Variants in RBFOX1 observed in about 807,000 individuals in gnomAD.
RBFOX1 encodes the protein RNA binding fox-1 homolog 1.
In RBFOX1, 8 loss-of-function variants were observed where a neutral mutation model predicts 57.7. The ratio of observed to expected loss-of-function variants is 0.14; its 90% confidence interval spans 0.08 to 0.25. RBFOX1 has a LOEUF of 0.25. RBFOX1 is among the 10% of genes least tolerant of loss of function. RBFOX1 has a pLI of 1.00. For missense variants in RBFOX1, 611 were observed against 548.5 expected, an observed-to-expected ratio of 1.11 and a Z score of -1.14; for synonymous variants, 326 against 222.4, an observed-to-expected ratio of 1.47 and a Z score of -4.15.
intron 14 of RBFOX1, among the ~76,000 whole-genome samples, chr16:7,680,066 G>T (rs2074346424): frequency 6.6e-6 from 1 of 152,100 alleles, no homozygotes; most frequent in African/African-American, 2.4e-5. Flanking sequence ...ATGGCAGAGG[G>T]GCCTTTGGTC....
intron 1 of RBFOX1, among the ~76,000 whole-genome samples, chr16:6,182,515 A>G (rs2097071820): frequency 6.6e-6 from 1 of 152,192 alleles, no homozygotes; most frequent in African/African-American, 2.4e-5. Context: ...TCATATGTCT[A>G]CATTCTTATT....
At chr16:5,278,140 CT>C (rs531107470) in intron 1 of RBFOX1, among the ~76,000 whole-genome samples, 180 of 152,228 alleles carry the variant, frequency 1.2e-3, no homozygotes, top group Non-Finnish European at 2.1e-3. Context: ...CAATAATATT[CT>C]TTTGTTCAGA....
intron 2 of RBFOX1, among the ~76,000 whole-genome samples, chr16:5,596,044 T>C (rs184385109): frequency 2.8e-4 from 42 of 152,130 alleles, no homozygotes; most frequent in Non-Finnish European, 5.3e-4. Context: ...CAATGAGAGA[T>C]AGACAGCTAA....
In RBFOX1 at chr16:6,511,480, C is replaced by G. The variant is rs923631806; in HGVS notation, c.-63-143123C>G. ...ACATGGGAGAATTTTAAAACATGCG[C>G]TTTTAGAATCAAAATTAGTTTTCAT... On this transcript the variant is annotated intron_variant, in intron 2 of 15. Transcript: ENST00000550418. Among the ~76,000 whole-genome samples the G allele has an allele frequency of 3.3e-5, 5 of 152,138 alleles. No homozygotes were observed. The East Asian group carries it at 7.7e-4, about 23-fold the overall frequency.
At chr16:5,344,193 A>C (rs1220206551) in intron 1 of RBFOX1, among the ~76,000 whole-genome samples, 1 of 152,148 alleles carries the variant, frequency 6.6e-6, no homozygotes, top group African/African-American at 2.4e-5. Flanking sequence ...GCACTCTGCA[A>C]ATGTCTGCTG....
At chr16:6,311,139 A>T (rs2152762634) in intron 1 of RBFOX1, among the ~76,000 whole-genome samples, 1 of 151,502 alleles carries the variant, frequency 6.6e-6, no homozygotes, top group South Asian at 2.1e-4. Flanking sequence ...TACTAAAAAT[A>T]CAAAAAATTA....
intron 4 of RBFOX1, among the ~76,000 whole-genome samples, chr16:7,332,166 T>A (rs780777060): frequency 1.3e-5 from 2 of 152,240 alleles, no homozygotes; most frequent in Non-Finnish European, 2.9e-5. Flanking sequence ...AATGTGTTTG[T>A]AGCTTCGCAC....
chr16:7,236,218 T>C (rs1303578550), intron 4 of RBFOX1, among the ~76,000 whole-genome samples: 1 of 152,074 alleles, frequency 6.6e-6, no homozygotes, highest in African/African-American at 2.4e-5. Context: ...TATTCAAGAG[T>C]TATATTTAGA....
At chr16:7,293,259 G>A (rs2095829189) in intron 4 of RBFOX1, among the ~76,000 whole-genome samples, 2 of 152,116 alleles carry the variant, frequency 1.3e-5, no homozygotes, top group Admixed American at 1.3e-4. Flanking sequence ...TATTTACATG[G>A]AATTTGCATT....
In RBFOX1 at chr16:6,159,194, G is replaced by C. The variant is rs374980007; in HGVS notation, c.-127+139202G>C. Among the ~76,000 whole-genome samples, 9 of 151,966 alleles carry C rather than the reference G, an allele frequency of 5.9e-5. No homozygotes were observed. In the South Asian group the frequency reaches 6.2e-4, roughly 11 times the overall value. On this transcript the variant is annotated intron_variant, in intron 1 of 15. Coordinates refer to ENST00000550418, the MANE Select transcript of RBFOX1 (RefSeq NM_018723.4). ...CAGGTTCAAGCGACTCTCCTGCCTC[G>C]GCCTCCCGAGTAGATGGGTCTATAG... is the stretch of plus-strand genomic sequence containing the variant.
chr16:6,165,989 G>C (rs1170209177), intron 1 of RBFOX1, among the ~76,000 whole-genome samples: 2 of 152,210 alleles, frequency 1.3e-5, no homozygotes, highest in African/African-American at 2.4e-5. Context: ...TGTTTCTTCT[G>C]TGAGGTGTGT....
intron 4 of RBFOX1, among the ~76,000 whole-genome samples, chr16:7,199,411 T>C (rs1028889180): frequency 3.3e-5 from 5 of 152,202 alleles, no homozygotes; most frequent in African/African-American, 9.7e-5. Context: ...AAATAGGCCC[T>C]GAATCATGCA....
At chr16:6,406,226 T>A (rs892520299) in intron 2 of RBFOX1, among the ~76,000 whole-genome samples, 2 of 152,322 alleles carry the variant, frequency 1.3e-5, no homozygotes, top group East Asian at 3.9e-4. Flanking sequence ...GACCTCAGAT[T>A]CTCTTTACAG....
chr16:6,170,292 C>G (rs2096950511), intron 1 of RBFOX1, among the ~76,000 whole-genome samples: 1 of 152,122 alleles, frequency 6.6e-6, no homozygotes, highest in Admixed American at 6.6e-5. Flanking sequence ...CCGCTGGGTT[C>G]CACTGTAGTG....
At chr16:6,860,896 C>T (rs922687885) in intron 3 of RBFOX1, among the ~76,000 whole-genome samples, 1 of 151,820 alleles carries the variant, frequency 6.6e-6, no homozygotes, top group Non-Finnish European at 1.5e-5. Flanking sequence ...CCAAAATATA[C>T]ATTTATATGT....
intron 4 of RBFOX1, among the ~76,000 whole-genome samples, chr16:7,426,478 C>T (rs989928145): frequency 6.6e-6 from 1 of 152,132 alleles, no homozygotes; most frequent in Non-Finnish European, 1.5e-5. Context: ...CAAGCAACAG[C>T]GTGAGTTCCT....
intron 2 of RBFOX1, among the ~76,000 whole-genome samples, chr16:6,386,072 A>T (rs547328664): frequency 7.9e-5 from 12 of 151,794 alleles, no homozygotes; most frequent in Non-Finnish European, 4.4e-5. Context: ...AGTAGGTGGG[A>T]CTACAGGCGC....
intron 2 of RBFOX1, among the ~76,000 whole-genome samples, chr16:6,449,213 TA>T (rs1362488160): frequency 2.6e-5 from 4 of 152,220 alleles, no homozygotes; most frequent in South Asian, 2.1e-4. Flanking sequence ...ATAGCTTCCC[TA>T]GATGGCTCTG....
chr16:6,440,391 C>T (rs902209751), intron 2 of RBFOX1, among the ~76,000 whole-genome samples: 1 of 152,096 alleles, frequency 6.6e-6, no homozygotes, highest in African/African-American at 2.4e-5. Context: ...TGGGCTTAAC[C>T]AAGCTTATAA....
Sources: allele counts gnomAD v4.1 joint callset (sites outside exome capture counted in the v4.1 genomes callset), GRCh38; gene constraint gnomAD v4.1.1; transcripts MANE v1.5; gene names NCBI Gene and HGNC (gene_info 2026-07-23, HGNC 2026-07-21).